Variants in TMOD1 observed in about 807,000 individuals in gnomAD.
The protein encoded by TMOD1 is tropomodulin 1.
In TMOD1, 17 loss-of-function variants were observed where a neutral mutation model predicts 40.6. The observed-to-expected ratio is 0.42, with a 90% CI of 0.29 to 0.63. The LOEUF (loss-of-function observed/expected upper bound fraction) is 0.63. TMOD1 is among the 20% of genes least tolerant of loss of function. TMOD1 has a pLI of 0.22. For missense variants in TMOD1, 391 were observed against 447.6 expected (o/e 0.87, Z 1.14); for synonymous variants, 181 against 175.0 (o/e 1.03, Z -0.27).
chr9:97,559,771 TTAAAAA>T (rs1157171174), intron 4 of TMOD1, among the ~76,000 whole-genome samples: 1,563 of 63,030 alleles, frequency 0.025, 51 homozygotes, highest in Middle Eastern at 0.03. Context: ...CCTCAAAAAT[TTAAAAA>T]AAAAAAAAAA....
chr9:97,553,394 A>T lies in TMOD1; in HGVS notation c.391A>T (p.Ile131Phe). 6.2e-7 allele frequency: 1 copy of T among 1,614,202 alleles called. No individual in the cohort carries two copies. Among genetic ancestry groups the T allele is most frequent in the Non-Finnish European group, 8.5e-7 (1 of 1,180,018 alleles). Residue 131 changes from isoleucine (I) to phenylalanine (F), a missense_variant, in exon 4 of 10, where the codon ATT becomes TTT. Physicochemically the swap from Ile to Phe is conservative, Grantham distance 21. Transcript: ENST00000259365. The stretch of plus-strand genomic sequence containing the variant: ...TGCTTCAGATGCAGAACTCTGTGAC[A>T]TTGCAGGTAAGAGGCGTTCCAGGAG... ...ANASDAELCD[I>F]AAILGMHTLM...
intron 2 of TMOD1, among the ~76,000 whole-genome samples, chr9:97,544,610 T>G (rs1451399721): frequency 1.3e-5 from 2 of 152,130 alleles, no homozygotes. Context: ...TCCCTCTATG[T>G]GCCAGGCATA....
chr9:97,554,797 C>T (rs1460787588), intron 4 of TMOD1, among the ~76,000 whole-genome samples: 1 of 152,088 alleles, frequency 6.6e-6, no homozygotes, highest in Non-Finnish European at 1.5e-5. Flanking sequence ...CCTTCTGCGA[C>T]TTGTGAGTAG....
intron 9 of TMOD1, among the ~76,000 whole-genome samples, chr9:97,598,059 G>A (rs924035708): frequency 2.0e-5 from 3 of 152,044 alleles, no homozygotes; most frequent in African/African-American, 7.2e-5. Context: ...TGGGTGCGGT[G>A]GCTCATGCCT....
chr9:97,551,456 C>T (rs1215311976), intron 3 of TMOD1, among the ~76,000 whole-genome samples: 4 of 152,232 alleles, frequency 2.6e-5, no homozygotes, highest in East Asian at 1.9e-4. Context: ...TTTGTTGAAG[C>T]GATTACTCTT....
In TMOD1 at chr9:97,517,059, A is replaced by T. The variant is rs146099690; in HGVS notation, c.-48-7082A>T. On this transcript the variant is annotated intron_variant, in intron 1 of 9. Coordinates refer to ENST00000259365, the MANE Select transcript of TMOD1 (RefSeq NM_003275.4). ...AGATAGTGGGCCTGTGGGGGTGGGG[A>T]GGAGAGGCCAGACATGGTGGCTCAC... is the stretch of plus-strand genomic sequence containing the variant. Among the ~76,000 whole-genome samples the T allele has an allele frequency of 3.6e-3, 546 of 152,216 alleles. 5 individuals are homozygous for T. The highest frequency in any genetic ancestry group is 0.012 in the African/African-American group (515 of 41,522).
intron 1 of TMOD1, among the ~76,000 whole-genome samples, chr9:97,503,175 T>C (rs1362596540): frequency 1.3e-5 from 2 of 152,142 alleles, no homozygotes; most frequent in Non-Finnish European, 2.9e-5. Flanking sequence ...AGCCCCCTGC[T>C]CAAGGTCACA....
intron 2 of TMOD1, among the ~76,000 whole-genome samples, chr9:97,542,505 A>G (rs1312536041): frequency 6.6e-6 from 1 of 152,228 alleles, no homozygotes; most frequent in Non-Finnish European, 1.5e-5. Flanking sequence ...TTATAATTAT[A>G]TGGCTTTTTG....
At chr9:97,588,745 G>A (rs987081551) in intron 8 of TMOD1, among the ~76,000 whole-genome samples, 3 of 152,128 alleles carry the variant, frequency 2.0e-5, no homozygotes, top group Non-Finnish European at 4.4e-5. Context: ...ATGTATTTCA[G>A]TGTTGTTTTG....
At chr9:97,532,624 A>T (rs1360483943) in intron 2 of TMOD1, among the ~76,000 whole-genome samples, 1 of 152,176 alleles carries the variant, frequency 6.6e-6, no homozygotes, top group Non-Finnish European at 1.5e-5. Flanking sequence ...TTCTTAAAAA[A>T]AAAAAAGAAA....
Position 97,548,716 on chromosome 9 carries a change from G to A in TMOD1, c.277+2375G>A, listed in dbSNP as rs555166670. Among the ~76,000 whole-genome samples the A allele has an allele frequency of 2.6e-5, 4 of 152,296 alleles. No homozygotes were observed. The East Asian group carries it at 7.7e-4, about 29-fold the overall frequency. On this transcript the variant is annotated intron_variant, in intron 3 of 9. Transcript: ENST00000259365. The stretch of plus-strand genomic sequence containing the variant: ...CCTCCCAGAGCTGGACTGTCTTCAT[G>A]AAAAACCAGGCTGACCAAGGAGAAT...
chr9:97,504,415 C>T (rs1829556982), intron 1 of TMOD1, among the ~76,000 whole-genome samples: 1 of 151,998 alleles, frequency 6.6e-6, no homozygotes, highest in Admixed American at 6.6e-5. Context: ...GTAGCAGGAA[C>T]TGAGGACAAG....
intron 8 of TMOD1, among the ~76,000 whole-genome samples, chr9:97,589,573 C>G (rs944983124): frequency 6.6e-6 from 1 of 152,074 alleles, no homozygotes; most frequent in Non-Finnish European, 1.5e-5. Flanking sequence ...GCCACTGTGC[C>G]CGGCCGGAAC....
intron 4 of TMOD1, among the ~76,000 whole-genome samples, chr9:97,556,226 C>T (rs184778017): frequency 1.8e-3 from 275 of 152,234 alleles, no homozygotes; most frequent in Admixed American, 3.3e-3. Context: ...TTCCTAGTGC[C>T]GGCTCAGAGG....
chr9:97,503,285 C>A (rs1829534998), intron 1 of TMOD1, among the ~76,000 whole-genome samples: 1 of 152,170 alleles, frequency 6.6e-6, no homozygotes, highest in Non-Finnish European at 1.5e-5. Flanking sequence ...TCTGGGAGCA[C>A]CCGATCAATG....
At chr9:97,591,161 A>C in intron 8 of TMOD1, 130 bp from the exon 9 acceptor site, 1 of 947,624 alleles carries the variant, frequency 1.1e-6, no homozygotes, top group Non-Finnish European at 1.5e-6. Context: ...CCATTTCCCT[A>C]CTCTTGGAGA....
At chr9:97,548,697 A>G (rs1012436289) in intron 3 of TMOD1, among the ~76,000 whole-genome samples, 1 of 152,196 alleles carries the variant, frequency 6.6e-6, no homozygotes, top group Non-Finnish European at 1.5e-5. Context: ...CTAGCCTCCC[A>G]GAGCTGGACT....
intron 5 of TMOD1, 97 bp from the exon 6 acceptor site, chr9:97,563,941 C>T: frequency 6.6e-7 from 1 of 1,510,868 alleles, no homozygotes; most frequent in Non-Finnish European, 8.9e-7. Context: ...CTCACGTGCC[C>T]CAACCCTGCA....
intron 2 of TMOD1, among the ~76,000 whole-genome samples, chr9:97,526,545 T>C (rs1830016672): frequency 6.6e-6 from 1 of 152,188 alleles, no homozygotes; most frequent in Non-Finnish European, 1.5e-5. Context: ...GTTATATATT[T>C]TTAATTAAAA....
Sources: gnomAD v4.1 joint callset for allele counts (sites outside exome capture counted in the v4.1 genomes callset) on GRCh38, gnomAD v4.1.1 for gene constraint, MANE v1.5 for transcripts, NCBI Gene and HGNC (gene_info 2026-07-23, HGNC 2026-07-21) for gene names.